The following CHRM3 variants were observed in gnomAD, a reference collection of about 807,000 sequenced individuals.
CHRM3 encodes the protein cholinergic receptor muscarinic 3.
CHRM3 carries 11 observed loss-of-function variants against 41.8 expected under a neutral mutation model. The ratio of observed to expected loss-of-function variants is 0.26; its 90% confidence interval spans 0.17 to 0.44. CHRM3 has a LOEUF of 0.44. Among genes scored for constraint, CHRM3 ranks in the 20% least tolerant of loss-of-function variants. CHRM3 has a pLI of 1.00. For missense variants in CHRM3, 571 were observed against 745.4 expected (o/e 0.77, Z 2.72); for synonymous variants, 297 against 301.4 (o/e 0.99, Z 0.15).
rs1680028381 is a variant in CHRM3, at chr1:239,907,118, C to T, written c.-19-315C>T. On this transcript the variant is annotated intron_variant, in intron 6 of 6. Coordinates refer to ENST00000676153, the MANE Select transcript of CHRM3 (RefSeq NM_001375978.1). This position sits in a 1 kb window ranked among gnomAD's most constrained non-coding sequence, Gnocchi z 5.4. ...AAATGTCTGATATTTTTCACCTTTA[C>T]AAAATAAGAGAAGTAAGGGCGATTT... Among the ~76,000 whole-genome samples the T allele has an allele frequency of 6.6e-6, 1 of 151,942 alleles. No individual in the cohort carries two copies. The highest frequency in any genetic ancestry group is 2.4e-5 in the African/African-American group (1 of 41,340).
At chr1:239,462,743 G>A (rs911203952) in intron 1 of CHRM3, among the ~76,000 whole-genome samples, 8 of 152,152 alleles carry the variant, frequency 5.3e-5, no homozygotes, top group East Asian at 1.9e-4. Flanking sequence ...AGATTTTAGC[G>A]TCCTAGCTCA....
intron 3 of CHRM3, among the ~76,000 whole-genome samples, chr1:239,578,689 T>C (rs775846924): frequency 6.6e-6 from 1 of 152,190 alleles, no homozygotes; most frequent in Admixed American, 6.5e-5. Flanking sequence ...TGTCCTCCAT[T>C]AATTGCTATC....
At chr1:239,742,856 T>C (rs1363913359) in intron 5 of CHRM3, among the ~76,000 whole-genome samples, 1 of 152,228 alleles carries the variant, frequency 6.6e-6, no homozygotes, top group African/African-American at 2.4e-5. Context: ...TCGTGATAGC[T>C]GAAATGAAAC....
At chr1:239,606,218 ATT>A (rs1666227133) in intron 3 of CHRM3, 2 of 150,790 alleles carry the variant, frequency 1.3e-5, no homozygotes, top group South Asian at 2.1e-4. Flanking sequence ...TATTAATGGA[ATT>A]ATTATTTCTA....
At chr1:239,903,180 G>A (rs192130672) in intron 6 of CHRM3, among the ~76,000 whole-genome samples, 1 of 152,146 alleles carries the variant, frequency 6.6e-6, no homozygotes, top group African/African-American at 2.4e-5. Flanking sequence ...ATTTGGGGGG[G>A]CTCTTCAGAT....
Position 239,813,372 on chromosome 1 carries a change from A to G in CHRM3, c.-146-13880A>G, listed in dbSNP as rs555795322. ...AGTCAGTATATTAATGGTTCTAAGAAATAAAACTTAAAGAGAGAAAAAAAT... is the reference window on the plus strand; with the variant it reads ...AGTCAGTATATTAATGGTTCTAAGAGATAAAACTTAAAGAGAGAAAAAAAT... On this transcript the variant is annotated intron_variant, in intron 5 of 6. Transcript: ENST00000676153. Among the ~76,000 whole-genome samples, 32 of 152,314 alleles carry G rather than the reference A, an allele frequency of 2.1e-4. No homozygotes were observed. The South Asian group carries it at 6.4e-3, about 31-fold the overall frequency.
chr1:239,827,174 T>A (rs1399790343), intron 5 of CHRM3, 78 bp from the exon 6 acceptor site: 1 of 152,210 alleles, frequency 6.6e-6, no homozygotes, highest in Non-Finnish European at 1.5e-5. Flanking sequence ...TCTATGATGC[T>A]TAATGACTCC....
intron 3 of CHRM3, chr1:239,546,379 A>G (rs1659301171): frequency 6.6e-6 from 1 of 152,178 alleles, no homozygotes; most frequent in African/African-American, 2.4e-5. Flanking sequence ...GAAGGTCAAC[A>G]GAGGTAACGG....
chr1:239,690,916 T>C (rs1281731608), intron 5 of CHRM3, among the ~76,000 whole-genome samples: 1 of 151,984 alleles, frequency 6.6e-6, no homozygotes, highest in South Asian at 2.1e-4. Context: ...TAATGAGCAA[T>C]GGCAAAGGAT....
At chr1:239,743,404 A>T (rs530403959) in intron 5 of CHRM3, among the ~76,000 whole-genome samples, 2 of 152,312 alleles carry the variant, frequency 1.3e-5, no homozygotes, top group African/African-American at 4.8e-5. Flanking sequence ...TTAATAGTAG[A>T]ACAATAGATA....
intron 3 of CHRM3, among the ~76,000 whole-genome samples, chr1:239,583,338 A>C (rs1278981601): frequency 1.3e-5 from 2 of 152,188 alleles, no homozygotes; most frequent in African/African-American, 2.4e-5. Context: ...AGTCTCAAAA[A>C]TATTTGTTAT....
intron 4 of CHRM3, among the ~76,000 whole-genome samples, chr1:239,650,457 AG>A (rs1473072837): frequency 6.6e-6 from 1 of 152,208 alleles, no homozygotes; most frequent in Non-Finnish European, 1.5e-5. Flanking sequence ...AACAGAGTAA[AG>A]GGGAAAAAAG....
intron 5 of CHRM3, among the ~76,000 whole-genome samples, chr1:239,726,910 A>C (rs1572108805): frequency 1.3e-5 from 2 of 151,938 alleles, no homozygotes; most frequent in African/African-American, 4.8e-5. Context: ...TATACAACTT[A>C]AAATCGTAAA....
intron 1 of CHRM3, among the ~76,000 whole-genome samples, chr1:239,402,080 T>G (rs1660026852): frequency 6.6e-6 from 1 of 152,186 alleles, no homozygotes; most frequent in Non-Finnish European, 1.5e-5. Context: ...AAGTGCTACA[T>G]ATTCATTTCT....
chr1:239,576,594 G>GCACACGCA, intron 3 of CHRM3, among the ~76,000 whole-genome samples: 1 of 141,682 alleles, frequency 7.1e-6, no homozygotes, highest in South Asian at 2.3e-4. Context: ...ACACACACAC[G>GCACACGCA]CACACACACA....
At chr1:239,835,216 C>T (rs1673212736) in intron 6 of CHRM3, among the ~76,000 whole-genome samples, 1 of 152,214 alleles carries the variant, frequency 6.6e-6, no homozygotes, top group Non-Finnish European at 1.5e-5. Flanking sequence ...CTGGGCAGAT[C>T]TTCAGTCTTT....
chr1:239,400,295 C>G (rs1408396231), intron 1 of CHRM3, among the ~76,000 whole-genome samples: 2 of 152,092 alleles, frequency 1.3e-5, no homozygotes, highest in African/African-American at 2.4e-5. Flanking sequence ...ATTTTTTAAT[C>G]AGATTATTTT....
At chr1:239,401,190 G>C (rs953506548) in intron 1 of CHRM3, among the ~76,000 whole-genome samples, 4 of 152,132 alleles carry the variant, frequency 2.6e-5, no homozygotes, top group African/African-American at 9.7e-5. Context: ...CATGGAACCG[G>C]GCTGAATAAA....
chr1:239,666,389 AC>A (rs1673810047), intron 4 of CHRM3, among the ~76,000 whole-genome samples: 1 of 150,872 alleles, frequency 6.6e-6, no homozygotes, highest in Non-Finnish European at 1.5e-5. Flanking sequence ...CTGGGGTTTC[AC>A]CATGTTGGCC....
Sources: gnomAD v4.1 joint callset for allele counts (sites outside exome capture counted in the v4.1 genomes callset) on GRCh38, gnomAD v4.1.1 for gene constraint, Gnocchi (gnomAD v3.1) non-coding constraint, MANE v1.5 for transcripts, NCBI Gene and HGNC (gene_info 2026-07-23, HGNC 2026-07-21) for gene names.